The following GRIK5 variants were observed in gnomAD, a reference collection of about 807,000 sequenced individuals.
GRIK5 encodes the protein glutamate ionotropic receptor kainate type subunit 5, also known as glutamate receptor ionotropic, kainate 5.
In GRIK5, 43 loss-of-function variants were observed where a neutral mutation model predicts 97.4. That is an observed-to-expected ratio of 0.44 (90% CI 0.35 to 0.57). GRIK5 has a LOEUF of 0.57. Among genes scored for constraint, GRIK5 ranks in the 20% least tolerant of loss-of-function variants. The pLI is 0.01. For synonymous variants in GRIK5, 580 were observed against 583.5 expected (o/e 0.99, Z 0.09); for missense variants, 1,015 against 1,382.0 (o/e 0.73, Z 4.21).
Position 42,061,259 on chromosome 19 carries a change from T to A in GRIK5, c.508+1229A>T, listed in dbSNP as rs1003616271. ...AGACGGGGTTTCACCATTCACAGGA[T>A]GGTCTCGATCTCCTGACCTCATGAT... On this transcript the variant is annotated intron_variant, in intron 5 of 19. Coordinates refer to ENST00000593562, the MANE Select transcript of GRIK5 (RefSeq NM_002088.5). Among the ~76,000 whole-genome samples the A allele has an allele frequency of 3.9e-5, 6 of 152,190 alleles. No individual in the cohort carries two copies. In the South Asian group the frequency reaches 1.2e-3, roughly 32 times the overall value.
chr19:42,056,346 G>T (rs1395062897), intron 8 of GRIK5, among the ~76,000 whole-genome samples: 1 of 152,184 alleles, frequency 6.6e-6, no homozygotes, highest in East Asian at 1.9e-4. Flanking sequence ...GGACACTGGA[G>T]CAATGTCCTA....
At position 41,999,174 on chromosome 19, in the gene GRIK5, G is replaced by T; in HGVS notation, c.2640C>A (p.Val880=). 1 of 1,507,930 alleles carries T rather than the reference G, an allele frequency of 6.6e-7. No individual in the cohort carries two copies. Among genetic ancestry groups the T allele is most frequent in the East Asian group, 2.7e-5 (1 of 37,212 alleles). The allele number at this position is 1,507,930 out of a possible 1,614,324, so 93.4% of individuals were successfully genotyped here. A position where few individuals can be genotyped will look rare whatever the true frequency, so the allele number is the denominator to read the frequency against. Residue 880 remains valine (V), a synonymous_variant, in exon 20 of 20, where the codon GTC becomes GTA. Transcript: ENST00000593562. This position sits in a 1 kb window ranked among gnomAD's most constrained non-coding sequence, Gnocchi z 5.0. Reference sequence around the variant, plus strand: ...TGCCGTTGCTGAGGCGCATCTCGCGGACCGCGCGCAGTGACAGCAGGGCCC... The same window carrying T: ...TGCCGTTGCTGAGGCGCATCTCGCGTACCGCGCGCAGTGACAGCAGGGCCC... ...PSRALLSLRA[V]REMRLSNGKL... is the part of the protein sequence containing the mutation.
At chr19:42,066,677 T>G (rs1434308685) in intron 1 of GRIK5, among the ~76,000 whole-genome samples, 1 of 149,706 alleles carries the variant, frequency 6.7e-6, no homozygotes, top group Non-Finnish European at 1.5e-5. Context: ...GGGAGAGGAC[T>G]AGGAGGGAGA....
chr19:42,037,664 T>A (rs954110761), intron 12 of GRIK5, among the ~76,000 whole-genome samples: 1 of 152,164 alleles, frequency 6.6e-6, no homozygotes, highest in Admixed American at 6.6e-5. Context: ...CAGACTCTGT[T>A]TCAGGAGTGG....
intron 8 of GRIK5, among the ~76,000 whole-genome samples, chr19:42,056,439 C>T (rs1413365572): frequency 6.6e-6 from 1 of 152,088 alleles, no homozygotes; most frequent in Non-Finnish European, 1.5e-5. Flanking sequence ...CTGAGGTGCA[C>T]CTGCTTGGGG....
chr19:42,002,658 G>GA lies in GRIK5; in HGVS notation c.2514+673dup. 1 of 616,950 alleles carries GA rather than the reference G, an allele frequency of 1.6e-6. No individual in the cohort carries two copies. The highest frequency in any genetic ancestry group is 2.9e-6 in the Non-Finnish European group (1 of 344,268). 38.2% of individuals were successfully genotyped at this position (616,950 alleles called of 1,614,324 possible). On this transcript the variant is annotated intron_variant, in intron 19 of 19. Coordinates refer to ENST00000593562, the MANE Select transcript of GRIK5 (RefSeq NM_002088.5). The surrounding 1 kb of genome is among the most constrained non-coding windows in gnomAD (Gnocchi z 5.2). ...CAGCAGTCCAGGGGTGCAAGAGCAC[G>GA]AATGGGTCTGGAAATGCAGGGGTGT...
intron 15 of GRIK5, among the ~76,000 whole-genome samples, chr19:42,011,194 G>A (rs1366329457): frequency 1.3e-5 from 2 of 151,998 alleles, no homozygotes; most frequent in Non-Finnish European, 2.9e-5. Context: ...AGGACGGGAG[G>A]GTGAGAGGAA....
chr19:42,015,934 C>T (rs1336304278), intron 15 of GRIK5, among the ~76,000 whole-genome samples: 1 of 152,188 alleles, frequency 6.6e-6, no homozygotes, highest in East Asian at 1.9e-4. Context: ...CTCCACAGAA[C>T]ACATGTGCAA....
intron 12 of GRIK5, among the ~76,000 whole-genome samples, chr19:42,030,887 T>G (rs537035443): frequency 6.6e-6 from 1 of 152,178 alleles, no homozygotes; most frequent in Non-Finnish European, 1.5e-5. Flanking sequence ...CTGATCAGCA[T>G]ACTGTTGTCA....
chr19:42,004,630 T>C (rs188162494), intron 17 of GRIK5, among the ~76,000 whole-genome samples: 1 of 152,268 alleles, frequency 6.6e-6, no homozygotes, highest in African/African-American at 2.4e-5. Context: ...CTGAGATTTC[T>C]TCCTTTCTTT....
Position 42,003,645 on chromosome 19 carries a change from G to C in GRIK5, c.2302C>G (p.Gln768Glu). 1 of 1,613,654 alleles carries C rather than the reference G, an allele frequency of 6.2e-7. No homozygotes were observed. Residue 768 changes from glutamine to glutamate, a missense_variant, in exon 18 of 20, where the codon CAG (glutamine) becomes GAG (glutamate). This residue lies in a region of GRIK5 where 229 missense variants were observed against 341.0 expected (regional missense o/e 0.67). Transcript: ENST00000593562. This position sits in a 1 kb window ranked among gnomAD's most constrained non-coding sequence, Gnocchi z 4.2. ...TCCAGCCGGTTGTTCTCCTGAAGCT[G>C]CAGGATGGCCAGTGTGATCTCATCC... ...FRDEITLAIL[Q>E]LQENNRLEIL...
At chr19:42,014,322 A>G (rs541018806) in intron 15 of GRIK5, among the ~76,000 whole-genome samples, 197 of 151,912 alleles carry the variant, frequency 1.3e-3, no homozygotes, top group African/African-American at 4.4e-3. Context: ...TGAACCTGGG[A>G]GGCAGAGGTT....
rs1555870418 is a variant in GRIK5 at position 41,999,313 on chromosome 19, G to A, written c.2515-14C>T. 4.0e-6 allele frequency: 6 copies of A among 1,504,628 alleles called. No homozygotes were observed. Among genetic ancestry groups the A allele is most frequent in the Admixed American group, 4.2e-5 (2 of 47,686 alleles). The allele number at this position is 1,504,628 out of a possible 1,614,324, so 93.2% of individuals were successfully genotyped here. A position where few individuals can be genotyped will look rare whatever the true frequency, so the allele number is the denominator to read the frequency against. Reference sequence around the variant, plus strand: ...GCACACCGACACCTGGGGGTGGCGCGGGCGGTCACCGTCCCGGCGCAGTCC... The same window carrying A: ...GCACACCGACACCTGGGGGTGGCGCAGGCGGTCACCGTCCCGGCGCAGTCC... On this transcript the variant is annotated splice_polypyrimidine_tract_variant and intron_variant, in intron 19 of 19. Coordinates refer to ENST00000593562, the MANE Select transcript of GRIK5 (RefSeq NM_002088.5). This position sits in a 1 kb window ranked among gnomAD's most constrained non-coding sequence, Gnocchi z 5.0.
intron 5 of GRIK5, among the ~76,000 whole-genome samples, chr19:42,061,646 T>C (rs1230752968): frequency 6.6e-6 from 1 of 152,210 alleles, no homozygotes; most frequent in African/African-American, 2.4e-5. Context: ...TGTTCCTCCT[T>C]GGCAAAGGCC....
intron 8 of GRIK5, 54 bp from the exon 9 acceptor site, chr19:42,054,526 GA>G: frequency 6.3e-7 from 1 of 1,588,442 alleles, no homozygotes; most frequent in Non-Finnish European, 8.6e-7. Flanking sequence ...CTAGGCAGAG[GA>G]GCCCCAAAGG....
rs1353642550 is a variant in GRIK5, at chr19:42,021,014, C to T, written c.1871+287G>A. On this transcript the variant is annotated intron_variant, in intron 15 of 19. Transcript: ENST00000593562. This position sits in a 1 kb window ranked among gnomAD's most constrained non-coding sequence, Gnocchi z 4.2. Reference sequence around the variant, plus strand: ...AATTGGAGTAGCCATTCTTTTATTCCTTAGCAGCCTCACTGAATCCTCACA... The same window carrying T: ...AATTGGAGTAGCCATTCTTTTATTCTTTAGCAGCCTCACTGAATCCTCACA... 4.6e-5 allele frequency among the ~76,000 whole-genome samples: 7 copies of T among 152,136 alleles called. No homozygotes were observed. Among genetic ancestry groups the T allele is most frequent in the African/African-American group, 1.7e-4 (7 of 41,412 alleles).
In GRIK5 at chr19:41,999,406, C is replaced by G; in HGVS notation, c.2515-107G>C. 1 of 847,114 alleles carries G rather than the reference C, an allele frequency of 1.2e-6. No homozygotes were observed. Among genetic ancestry groups the G allele is most frequent in the Non-Finnish European group, 1.7e-6 (1 of 578,696 alleles). 52.5% of individuals were successfully genotyped at this position (847,114 alleles called of 1,614,324 possible). ...TCCTCCTTTCCTCGCCCGGGTCTTT[C>G]TTCCTTCTGCCCTCGCTTCCCTTCC... is the stretch of plus-strand genomic sequence containing the variant. On this transcript the variant is annotated intron_variant, in intron 19 of 19. Coordinates refer to ENST00000593562, the MANE Select transcript of GRIK5 (RefSeq NM_002088.5). This position sits in a 1 kb window ranked among gnomAD's most constrained non-coding sequence, Gnocchi z 5.0.
Position 42,065,794 on chromosome 19 carries a change from G to C in GRIK5, c.-24C>G. 6.5e-7 allele frequency: 1 copy of C among 1,546,514 alleles called. No homozygotes were observed. The highest frequency in any genetic ancestry group is 8.7e-7 in the Non-Finnish European group (1 of 1,146,366). ...ATCTTCCTCCCCTCCTCATGGGGAC[G>C]CAGCTGCCGCGGCCCCCACTCGCCA... On this transcript the variant is annotated 5_prime_UTR_variant, in exon 2 of 20. Coordinates refer to ENST00000593562, the MANE Select transcript of GRIK5 (RefSeq NM_002088.5). The surrounding 1 kb of genome is among the most constrained non-coding windows in gnomAD (Gnocchi z 5.8).
chr19:42,021,797 G>A lies in GRIK5; in HGVS notation c.1697+150C>T, dbSNP rs538467547. 1 of 627,492 alleles carries A rather than the reference G, an allele frequency of 1.6e-6. No homozygotes were observed. Among genetic ancestry groups the A allele is most frequent in the South Asian group, 2.0e-5 (1 of 50,882 alleles). The allele number at this position is 627,492 out of a possible 1,614,324, so 38.9% of individuals were successfully genotyped here. A position where few individuals can be genotyped will look rare whatever the true frequency, so the allele number is the denominator to read the frequency against. ...GGGGAAGAATGAGACTCAGACACAGGGCACAAAACTGAGAAAGGAGGGCAC... is the reference window on the plus strand; with the variant it reads ...GGGGAAGAATGAGACTCAGACACAGAGCACAAAACTGAGAAAGGAGGGCAC... On this transcript the variant is annotated intron_variant, in intron 14 of 19. Transcript: ENST00000593562. This position sits in a 1 kb window ranked among gnomAD's most constrained non-coding sequence, Gnocchi z 4.2.
Sources: gnomAD v4.1 joint callset for allele counts (sites outside exome capture counted in the v4.1 genomes callset) on GRCh38, gnomAD v4.1.1 for gene constraint, gnomAD v4.1.1 regional missense constraint, Gnocchi (gnomAD v3.1) non-coding constraint, MANE v1.5 for transcripts, NCBI Gene and HGNC (gene_info 2026-07-23, HGNC 2026-07-21) for gene names.